TRAPPC9: variants seen among roughly 807,000 people sequenced by gnomAD.
TRAPPC9 encodes trafficking protein particle complex subunit 9.
In TRAPPC9, 83 loss-of-function variants were observed where a neutral mutation model predicts 124.0. The observed-to-expected ratio is 0.67, with a 90% confidence interval of 0.56 to 0.80. TRAPPC9 has a LOEUF of 0.80. TRAPPC9 is among the 30% of genes least tolerant of loss of function. The probability of loss-of-function intolerance (pLI) is 0.00; values close to 1 mark genes in which losing one functional copy is unlikely to be tolerated. For synonymous variants in TRAPPC9, 638 were observed against 617.5 expected (o/e 1.03, Z -0.49); for missense variants, 1,302 against 1,508.3 (o/e 0.86, Z 2.27).
Position 139,959,666 on chromosome 8 carries a change from G to A in TRAPPC9, c.2810+29060C>T, listed in dbSNP as rs530665356. 1.0e-3 allele frequency among the ~76,000 whole-genome samples: 159 copies of A among 152,300 alleles called. 1 individual carries two copies. Among genetic ancestry groups the A allele is most frequent in the Middle Eastern group, 3.4e-3 (1 of 294 alleles). ...CAGAACAAAAGACAGAGAACCCAGCGACCAGGACCATGTCTCAAGCTACAA... is the reference window on the plus strand; with the variant it reads ...CAGAACAAAAGACAGAGAACCCAGCAACCAGGACCATGTCTCAAGCTACAA... On this transcript the variant is annotated intron_variant, in intron 19 of 22. Transcript: ENST00000438773.
chr8:140,148,791 C>G (rs928729250), intron 17 of TRAPPC9, among the ~76,000 whole-genome samples: 1 of 152,166 alleles, frequency 6.6e-6, no homozygotes, highest in African/African-American at 2.4e-5. Flanking sequence ...GACTAGTAAG[C>G]TCATAGTTTT....
At chr8:140,146,993 C>T (rs527655856) in intron 17 of TRAPPC9, among the ~76,000 whole-genome samples, 4 of 152,252 alleles carry the variant, frequency 2.6e-5, no homozygotes, top group African/African-American at 9.6e-5. Context: ...CTTCTGTCAA[C>T]ATTTCTATTC....
chr8:139,761,930 C>A (rs1041722931), intron 21 of TRAPPC9, among the ~76,000 whole-genome samples: 1 of 151,712 alleles, frequency 6.6e-6, no homozygotes, highest in Admixed American at 6.6e-5. Context: ...GTGCTCAGTT[C>A]AGAAGAAGAT....
chr8:140,437,750 A>G (rs761897801), intron 3 of TRAPPC9, among the ~76,000 whole-genome samples: 2 of 152,170 alleles, frequency 1.3e-5, no homozygotes, highest in African/African-American at 2.4e-5. Flanking sequence ...TGTCCTTGCT[A>G]AACTGTCAAC....
intron 15 of TRAPPC9, among the ~76,000 whole-genome samples, chr8:140,272,126 G>GTGATGGTGA (rs1554657964): frequency 3.4e-5 from 5 of 146,686 alleles, no homozygotes; most frequent in African/African-American, 1.3e-4. Context: ...AATGGTGATG[G>GTGATGGTGA]TGGCGATGGT....
At chr8:140,346,906 GA>G (rs1429677751) in intron 9 of TRAPPC9, among the ~76,000 whole-genome samples, 1 of 152,232 alleles carries the variant, frequency 6.6e-6, no homozygotes, top group East Asian at 1.9e-4. Context: ...CCACTCGGCT[GA>G]GTTGGAATGA....
intron 19 of TRAPPC9, chr8:139,931,818 C>A: frequency 5.7e-6 from 1 of 174,062 alleles, no homozygotes; most frequent in Non-Finnish European, 1.2e-5. Context: ...AAGGGAAACA[C>A]GAACAAAAGG....
At chr8:140,013,851 A>AAG (rs111823987) in intron 18 of TRAPPC9, among the ~76,000 whole-genome samples, 4,962 of 152,268 alleles carry the variant, frequency 0.033, 88 homozygotes, top group South Asian at 0.077. Context: ...TCTCCTTTTC[A>AAG]AGATGAAGGA....
At chr8:140,053,115 T>C (rs1371281552) in intron 17 of TRAPPC9, among the ~76,000 whole-genome samples, 1 of 152,216 alleles carries the variant, frequency 6.6e-6, no homozygotes, top group African/African-American at 2.4e-5. Context: ...AAAGTCACCA[T>C]TTGGCAAACA....
intron 21 of TRAPPC9, among the ~76,000 whole-genome samples, chr8:139,847,964 C>G (rs1326101463): frequency 6.6e-6 from 1 of 152,224 alleles, no homozygotes; most frequent in African/African-American, 2.4e-5. Flanking sequence ...CAGCAGCAGC[C>G]CTGGGGCACG....
At position 140,233,623 on chromosome 8, in the gene TRAPPC9, C is replaced by CCACACACACACACACACACACA. The variant is rs35452775; in HGVS notation, c.2432-12062_2432-12041dup. 1.6e-3 allele frequency among the ~76,000 whole-genome samples: 142 copies of CCACACACACACACACACACACA among 90,838 alleles called. 1 individual carries two copies. The highest frequency in any genetic ancestry group is 3.5e-3 in the African/African-American group (81 of 22,958). 59.6% of individuals were successfully genotyped at this position (90,838 alleles called of 152,430 possible). A position where few individuals can be genotyped will look rare whatever the true frequency, so the allele number is the denominator to read the frequency against. On this transcript the variant is annotated intron_variant, in intron 16 of 22. Coordinates refer to ENST00000438773, the MANE Select transcript of TRAPPC9 (RefSeq NM_001160372.4). ...CCCTCCCTCCCTCCCTCTCTCCCCA[C>CCACACACACACACACACACACA]CACACACACACACACACACACACAC...
intron 19 of TRAPPC9, among the ~76,000 whole-genome samples, chr8:139,945,372 G>A (rs962687163): frequency 4.0e-5 from 6 of 151,744 alleles, no homozygotes; most frequent in South Asian, 2.1e-4. Context: ...CCATAATGAA[G>A]TGAAGTGAAT....
intron 10 of TRAPPC9, among the ~76,000 whole-genome samples, chr8:140,310,131 G>A (rs2066255527): frequency 6.6e-6 from 1 of 152,206 alleles, no homozygotes; most frequent in African/African-American, 2.4e-5. Flanking sequence ...CATTTCTTAA[G>A]CACCATACAC....
In TRAPPC9 at chr8:139,970,003, G is replaced by T. The variant is rs78362682; in HGVS notation, c.2810+18723C>A. 3.4e-3 allele frequency among the ~76,000 whole-genome samples: 518 copies of T among 152,224 alleles called. 4 individuals carry two copies. Among genetic ancestry groups the T allele is most frequent in the African/African-American group, 0.012 (495 of 41,512 alleles). On this transcript the variant is annotated intron_variant, in intron 19 of 22. Transcript: ENST00000438773. ...CACATTGAAGTATTTCTTTCAGTACGCAAAAAATGTTGTGTTAGCCACAGT... is the reference window on the plus strand; with the variant it reads ...CACATTGAAGTATTTCTTTCAGTACTCAAAAAATGTTGTGTTAGCCACAGT...
intron 11 of TRAPPC9, among the ~76,000 whole-genome samples, chr8:140,291,421 G>C (rs780462284): frequency 6.6e-6 from 1 of 152,206 alleles, no homozygotes; most frequent in Admixed American, 6.5e-5. Flanking sequence ...ACAGGAAGAC[G>C]GCACTGGGGT....
At chr8:140,000,868 G>A (rs548969133) in intron 18 of TRAPPC9, among the ~76,000 whole-genome samples, 5 of 152,190 alleles carry the variant, frequency 3.3e-5, no homozygotes, top group South Asian at 4.2e-4. Context: ...TTGAACCAGC[G>A]ATCCCATTAC....
chr8:139,872,237 T>C (rs1321891359), intron 21 of TRAPPC9, among the ~76,000 whole-genome samples: 1 of 150,094 alleles, frequency 6.7e-6, no homozygotes, highest in African/African-American at 2.5e-5. Flanking sequence ...AGTGGATGGG[T>C]TGGTGTGTAA....
At chr8:140,153,082 G>C (rs770783590) in intron 17 of TRAPPC9, among the ~76,000 whole-genome samples, 7 of 152,098 alleles carry the variant, frequency 4.6e-5, no homozygotes, top group Non-Finnish European at 7.4e-5. Context: ...TCTGTTTCCT[G>C]CTGATTTGTA....
chr8:140,245,029 C>G (rs1363431936), intron 16 of TRAPPC9, among the ~76,000 whole-genome samples: 1 of 151,982 alleles, frequency 6.6e-6, no homozygotes, highest in Non-Finnish European at 1.5e-5. Context: ...TGGTCTCGAT[C>G]TCCTGACCCC....
Sources: gnomAD v4.1 joint callset for allele counts (sites outside exome capture counted in the v4.1 genomes callset) on GRCh38, gnomAD v4.1.1 for gene constraint, MANE v1.5 for transcripts, NCBI Gene and HGNC (gene_info 2026-07-23, HGNC 2026-07-21) for gene names.